The following SBF2 variants were observed in gnomAD, a reference collection of about 807,000 sequenced individuals.
SBF2 encodes SET binding factor 2, also known as myotubularin-related protein 13.
SBF2 carries 112 observed loss-of-function variants against 225.2 expected under a neutral mutation model. The ratio of observed to expected loss-of-function variants is 0.50; its 90% CI spans 0.43 to 0.58. SBF2 has a LOEUF of 0.58. Among genes scored for constraint, SBF2 ranks in the 20% least tolerant of loss-of-function variants. The pLI is 0.00. For synonymous variants in SBF2, 763 were observed against 773.3 expected (o/e 0.99, Z 0.22); for missense variants, 1,996 against 2,206.2 (o/e 0.90, Z 1.91).
At chr11:10,202,165 T>G (rs760134316) in intron 1 of SBF2, among the ~76,000 whole-genome samples, 26 of 152,348 alleles carry the variant, frequency 1.7e-4, no homozygotes, top group Non-Finnish European at 3.4e-4. Context: ...AAAGAATGAT[T>G]GGCAGTCTGG....
intron 16 of SBF2, among the ~76,000 whole-genome samples, chr11:9,912,016 A>AT (rs962210801): frequency 7.2e-5 from 11 of 152,208 alleles, no homozygotes; most frequent in East Asian, 3.9e-4. Context: ...AACACTATAA[A>AT]TTTTTTTTGT....
At chr11:10,136,295 A>G (rs1251853733) in intron 2 of SBF2, among the ~76,000 whole-genome samples, 2 of 152,142 alleles carry the variant, frequency 1.3e-5, no homozygotes, top group Non-Finnish European at 2.9e-5. Context: ...CAGCCAAACC[A>G]TATCAGGCTT....
At chr11:10,288,010 T>G (rs532361632) in intron 1 of SBF2, among the ~76,000 whole-genome samples, 1 of 152,290 alleles carries the variant, frequency 6.6e-6, no homozygotes, top group South Asian at 2.1e-4. Flanking sequence ...GCTGGACCAG[T>G]TGCACCACAA....
chr11:10,068,364 G>GT (rs1290696141), intron 2 of SBF2, among the ~76,000 whole-genome samples: 2 of 152,208 alleles, frequency 1.3e-5, no homozygotes, highest in Admixed American at 6.5e-5. Flanking sequence ...CTCTGGCTAA[G>GT]GGTCCTACAT....
intron 2 of SBF2, among the ~76,000 whole-genome samples, chr11:10,055,131 A>G (rs1409327526): frequency 6.6e-6 from 1 of 152,062 alleles, no homozygotes; most frequent in Non-Finnish European, 1.5e-5. Context: ...GGAACTCCTG[A>G]CCTCAGGTGA....
chr11:10,175,059 G>A (rs1316117963), intron 2 of SBF2, among the ~76,000 whole-genome samples: 2 of 151,894 alleles, frequency 1.3e-5, no homozygotes, highest in African/African-American at 4.8e-5. Context: ...GCAAAATCAT[G>A]CCAAAATGTA....
intron 16 of SBF2, among the ~76,000 whole-genome samples, chr11:9,918,032 ACCT>A (rs1863253789): frequency 6.6e-6 from 1 of 151,214 alleles, no homozygotes; most frequent in Non-Finnish European, 1.5e-5. Context: ...CTGCAAAGTG[ACCT>A]TCTTTCTATC....
intron 2 of SBF2, among the ~76,000 whole-genome samples, chr11:10,166,047 C>T (rs141557858): frequency 1.3e-5 from 2 of 152,174 alleles, no homozygotes; most frequent in Non-Finnish European, 2.9e-5. Flanking sequence ...CATACAATAC[C>T]GAGTCCATAA....
chr11:9,973,698 T>C (rs1230169779), intron 13 of SBF2, among the ~76,000 whole-genome samples: 1 of 152,088 alleles, frequency 6.6e-6, no homozygotes, highest in East Asian at 1.9e-4. Flanking sequence ...CCAGCTTTGG[T>C]AGGCTAAGTG....
chr11:10,139,522 G>A (rs1954545486), intron 2 of SBF2, among the ~76,000 whole-genome samples: 1 of 152,156 alleles, frequency 6.6e-6, no homozygotes, highest in South Asian at 2.1e-4. Flanking sequence ...TCAAAGCTGT[G>A]CAAGATTTGT....
At chr11:9,876,685 C>T (rs950479611) in intron 17 of SBF2, among the ~76,000 whole-genome samples, 1 of 152,188 alleles carries the variant, frequency 6.6e-6, no homozygotes, top group African/African-American at 2.4e-5. Flanking sequence ...AATATCCACT[C>T]TGTGGTATTT....
intron 2 of SBF2, among the ~76,000 whole-genome samples, chr11:10,097,298 G>A (rs1036001767): frequency 1.3e-5 from 2 of 152,136 alleles, no homozygotes; most frequent in African/African-American, 4.8e-5. Flanking sequence ...TGGATTTCCC[G>A]GCCTTGAGAA....
At chr11:9,872,577 T>C (rs1858865849) in intron 17 of SBF2, among the ~76,000 whole-genome samples, 1 of 152,186 alleles carries the variant, frequency 6.6e-6, no homozygotes, top group Admixed American at 6.5e-5. Context: ...TATTAGTCAT[T>C]AGGGAAATGA....
chr11:10,068,814 G>A (rs1950733862), intron 2 of SBF2, among the ~76,000 whole-genome samples: 1 of 151,960 alleles, frequency 6.6e-6, no homozygotes, highest in Non-Finnish European at 1.5e-5. Flanking sequence ...TGCCCTCAAG[G>A]AGCTGATGAA....
At chr11:9,979,044 C>T (rs981053067) in intron 13 of SBF2, among the ~76,000 whole-genome samples, 10 of 152,106 alleles carry the variant, frequency 6.6e-5, no homozygotes, top group African/African-American at 9.7e-5. Flanking sequence ...CTGGAAACAT[C>T]GTTTTTTCCT....
chr11:9,826,729 A>ATGTG (rs773735229), intron 28 of SBF2, among the ~76,000 whole-genome samples: 6 of 146,768 alleles, frequency 4.1e-5, no homozygotes, highest in African/African-American at 1.5e-4. Context: ...ATATATATAT[A>ATGTG]TATGTGTGTG....
chr11:10,291,391 T>C (rs923232082), intron 1 of SBF2, among the ~76,000 whole-genome samples: 1 of 152,174 alleles, frequency 6.6e-6, no homozygotes, highest in Admixed American at 6.5e-5. Context: ...AGAGTCTTCA[T>C]CTTGGATTTC....
At chr11:10,283,447 C>T (rs1053831036) in intron 1 of SBF2, among the ~76,000 whole-genome samples, 2 of 152,010 alleles carry the variant, frequency 1.3e-5, no homozygotes, top group Non-Finnish European at 2.9e-5. Context: ...TAGCTTGTCT[C>T]TCTCATAGTG....
intron 9 of SBF2, among the ~76,000 whole-genome samples, chr11:9,994,462 G>A (rs1280121759): frequency 6.8e-5 from 10 of 146,398 alleles, no homozygotes; most frequent in African/African-American, 1.3e-4. Flanking sequence ...GCGACAGAGC[G>A]AGACTCCATC....
Sources: gnomAD v4.1 joint callset for allele counts (sites outside exome capture counted in the v4.1 genomes callset) on GRCh38, gnomAD v4.1.1 for gene constraint, MANE v1.5 for transcripts, NCBI Gene and HGNC (gene_info 2026-07-23, HGNC 2026-07-21) for gene names.